Variants in ARB2A observed in about 807,000 individuals in gnomAD.
The protein encoded by ARB2A is ARB2 cotranscriptional regulator A.
the ARB2A span, among the ~76,000 whole-genome samples, chr5:93,979,963 T>C: frequency 2.0e-5 from 3 of 152,154 alleles, no homozygotes; most frequent in Non-Finnish European, 4.4e-5. Flanking sequence ...CCCCATCTTT[T>C]TAACGCATCT....
At chr5:93,630,174 T>C in the ARB2A span, among the ~76,000 whole-genome samples, 1 of 152,164 alleles carries the variant, frequency 6.6e-6, no homozygotes, top group South Asian at 2.1e-4. Context: ...TTTGAAAAAA[T>C]GAAATATACA....
At chr5:93,618,602 T>C in the ARB2A span, 1 of 152,152 alleles carries the variant, frequency 6.6e-6, no homozygotes, top group Non-Finnish European at 1.5e-5. Context: ...AACAAACCCA[T>C]AATCAACAGG....
At chr5:93,917,749 C>T in the ARB2A span, among the ~76,000 whole-genome samples, 2 of 152,032 alleles carry the variant, frequency 1.3e-5, no homozygotes, top group Non-Finnish European at 2.9e-5. Context: ...CATGGCAGCA[C>T]TCACCTGTAG....
At chr5:93,754,663 CCT>C in the ARB2A span, among the ~76,000 whole-genome samples, 273 of 152,284 alleles carry the variant, frequency 1.8e-3, 3 homozygotes, top group African/African-American at 6.3e-3. Flanking sequence ...ATTTTCCTTT[CCT>C]CTCACCCTGA....
chr5:93,911,970 C>T, the ARB2A span, among the ~76,000 whole-genome samples: 9 of 151,738 alleles, frequency 5.9e-5, no homozygotes, highest in South Asian at 4.2e-4. Flanking sequence ...TTGTAGTTGA[C>T]ACAGAACAAA....
chr5:93,778,516 G>T, the ARB2A span, among the ~76,000 whole-genome samples: 1 of 152,276 alleles, frequency 6.6e-6, no homozygotes, highest in African/African-American at 2.4e-5. Context: ...ATGATACAGG[G>T]AGATAGCTTC....
the ARB2A span, among the ~76,000 whole-genome samples, chr5:94,043,533 A>C: frequency 1.3e-5 from 2 of 152,240 alleles, no homozygotes; most frequent in African/African-American, 4.8e-5. Flanking sequence ...TATTTTACCA[A>C]GTCTTTGACT....
chr5:93,784,759 G>A, the ARB2A span, among the ~76,000 whole-genome samples: 1 of 152,082 alleles, frequency 6.6e-6, no homozygotes, highest in Admixed American at 6.5e-5. Flanking sequence ...GTGGTTTGAC[G>A]ATTCGAGGAT....
chr5:93,660,331 T>G, the ARB2A span, among the ~76,000 whole-genome samples: 3 of 152,144 alleles, frequency 2.0e-5, no homozygotes, highest in Non-Finnish European at 4.4e-5. Flanking sequence ...GCTTAGACTC[T>G]TCATCATCAT....
the ARB2A span, among the ~76,000 whole-genome samples, chr5:93,705,637 GTGTGTGTGTGTGTGTA>G: frequency 4.1e-5 from 6 of 147,506 alleles, no homozygotes; most frequent in African/African-American, 1.6e-4. Context: ...GTGTGTGTGT[GTGTGTGTGTGTGTGTA>G]TATATATATA....
At chr5:93,902,521 A>T in the ARB2A span, among the ~76,000 whole-genome samples, 6 of 152,276 alleles carry the variant, frequency 3.9e-5, no homozygotes, top group South Asian at 2.1e-4. Flanking sequence ...AAATTAGAGC[A>T]GAATTTGTGT....
At chr5:94,091,313 C>T in the ARB2A span, among the ~76,000 whole-genome samples, 2 of 152,102 alleles carry the variant, frequency 1.3e-5, no homozygotes, top group Non-Finnish European at 2.9e-5. Flanking sequence ...AAAACTTCAC[C>T]ATTACAATCA....
chr5:94,054,344 T>G, the ARB2A span, among the ~76,000 whole-genome samples: 1 of 152,222 alleles, frequency 6.6e-6, no homozygotes, highest in Admixed American at 6.5e-5. Flanking sequence ...CTCTGTGGTC[T>G]GTGATAATTC....
the ARB2A span, among the ~76,000 whole-genome samples, chr5:93,841,625 G>C: frequency 2.0e-5 from 3 of 152,158 alleles, no homozygotes; most frequent in Non-Finnish European, 4.4e-5. Flanking sequence ...AACAGGTAAA[G>C]AATGATTAGG....
At chr5:93,878,435 T>C in the ARB2A span, among the ~76,000 whole-genome samples, 1 of 151,962 alleles carries the variant, frequency 6.6e-6, no homozygotes, top group African/African-American at 2.4e-5. Flanking sequence ...GGTGTGTGTG[T>C]GTGTGTTTAT....
At chr5:94,010,149 T>C in the ARB2A span, among the ~76,000 whole-genome samples, 2 of 152,130 alleles carry the variant, frequency 1.3e-5, no homozygotes, top group Non-Finnish European at 2.9e-5. Context: ...TCACCAATCT[T>C]AAACCTTTCT....
the ARB2A span, among the ~76,000 whole-genome samples, chr5:93,640,160 A>G: frequency 6.6e-6 from 1 of 151,314 alleles, no homozygotes; most frequent in Non-Finnish European, 1.5e-5. Context: ...AATTGTTTGC[A>G]ATTGGCCAGG....
the ARB2A span, among the ~76,000 whole-genome samples, chr5:94,060,361 G>T: frequency 6.6e-6 from 1 of 151,678 alleles, no homozygotes; most frequent in East Asian, 1.9e-4. Flanking sequence ...CAAAAAAAAA[G>T]AACAAGAAGG....
chr5:94,072,120 A>T, the ARB2A span, among the ~76,000 whole-genome samples: 1 of 152,144 alleles, frequency 6.6e-6, no homozygotes, highest in Non-Finnish European at 1.5e-5. Context: ...AATCTCAAAA[A>T]ATTACATACC....
Sources: allele counts gnomAD v4.1 joint callset (sites outside exome capture counted in the v4.1 genomes callset), GRCh38; gene constraint gnomAD v4.1.1; transcripts MANE v1.5; gene names NCBI Gene and HGNC (gene_info 2026-07-23, HGNC 2026-07-21).